Variants in LIMCH1 observed in about 807,000 individuals in gnomAD.
LIMCH1 encodes the protein LIM and calponin homology domains 1.
A neutral mutation model predicts 176.5 loss-of-function variants in LIMCH1; 113 were observed. The ratio of observed to expected loss-of-function variants is 0.64; its 90% confidence interval spans 0.55 to 0.75. The LOEUF (loss-of-function observed/expected upper bound fraction) is 0.75, where lower values mean the gene tolerates loss of function less well. Ranked by LOEUF, LIMCH1 falls within the 30% of genes least tolerant of loss-of-function variation. The probability of loss-of-function intolerance (pLI) is 0.00; values close to 1 mark genes in which losing one functional copy is unlikely to be tolerated. For synonymous variants in LIMCH1, 619 were observed against 645.9 expected, an observed-to-expected ratio of 0.96 and a Z score of 0.63; for missense variants, 1,674 against 1,814.9, an observed-to-expected ratio of 0.92 and a Z score of 1.41.
intron 1 of LIMCH1, among the ~76,000 whole-genome samples, chr4:41,438,319 T>G (rs919307391): frequency 2.0e-5 from 3 of 152,136 alleles, no homozygotes; most frequent in Non-Finnish European, 4.4e-5. Context: ...GAGCAAAGAC[T>G]CATACCTGGT....
intron 3 of LIMCH1, chr4:41,604,177 A>G (rs892646676): frequency 1.1e-5 from 11 of 982,980 alleles, no homozygotes; most frequent in African/African-American, 1.7e-5. Context: ...AGTTTCTTAA[A>G]CACAAAATGA....
chr4:41,506,697 A>T (rs974343682), intron 2 of LIMCH1, among the ~76,000 whole-genome samples: 1 of 152,336 alleles, frequency 6.6e-6, no homozygotes, highest in African/African-American at 2.4e-5. Flanking sequence ...TTGACTATTA[A>T]GAATAGGTTG....
At chr4:41,501,870 T>C (rs2073341240) in intron 2 of LIMCH1, among the ~76,000 whole-genome samples, 1 of 146,724 alleles carries the variant, frequency 6.8e-6, no homozygotes. Flanking sequence ...TTTTTTTTTT[T>C]TTTTTTTTTT....
At chr4:41,568,871 T>C (rs2083127733) in intron 1 of LIMCH1, among the ~76,000 whole-genome samples, 1 of 152,222 alleles carries the variant, frequency 6.6e-6, no homozygotes, top group African/African-American at 2.4e-5. Context: ...TCTTTGTGCA[T>C]TGGCAGTCTT....
intron 1 of LIMCH1, among the ~76,000 whole-genome samples, chr4:41,376,165 G>A (rs920433714): frequency 7.2e-5 from 11 of 152,080 alleles, no homozygotes; most frequent in African/African-American, 2.4e-4. Context: ...TTAATAGAAC[G>A]AAATGTACTT....
chr4:41,644,479 G>C, intron 14 of LIMCH1, 21 bp from the exon 15 acceptor site: 1 of 1,512,706 alleles, frequency 6.6e-7, no homozygotes. Context: ...TCCCTCTTGT[G>C]TTCGCTCTCT....
chr4:41,465,835 TGGA>T (rs1430270992), intron 1 of LIMCH1, among the ~76,000 whole-genome samples: 3 of 152,206 alleles, frequency 2.0e-5, no homozygotes, highest in Non-Finnish European at 4.4e-5. Flanking sequence ...AAAGTTCTAT[TGGA>T]GCAAAGCCAT....
intron 6 of LIMCH1, chr4:41,619,709 G>A: frequency 2.0e-6 from 1 of 494,152 alleles, no homozygotes; most frequent in Non-Finnish European, 3.6e-6. Context: ...TCTGTTGATA[G>A]GACATTGAGA....
chr4:41,556,976 CCTAT>C (rs1322871294), intron 1 of LIMCH1, among the ~76,000 whole-genome samples: 1 of 152,142 alleles, frequency 6.6e-6, no homozygotes, highest in Non-Finnish European at 1.5e-5. Context: ...CTTTATATAG[CCTAT>C]CTGCTATTAA....
chr4:41,446,147 C>A (rs1020364216), intron 1 of LIMCH1, among the ~76,000 whole-genome samples: 1 of 152,080 alleles, frequency 6.6e-6, no homozygotes, highest in Admixed American at 6.5e-5. Flanking sequence ...TTGTCAACTG[C>A]AGGTTCAATT....
At chr4:41,668,471 TAAGCCATTTTA>T (rs1219318336) in intron 21 of LIMCH1, among the ~76,000 whole-genome samples, 2 of 152,338 alleles carry the variant, frequency 1.3e-5, no homozygotes, top group South Asian at 2.1e-4. Context: ...ATAAATATTT[TAAGCCATTTTA>T]AAGCCATGTT....
rs184262982 is a variant in LIMCH1 at position 41,377,798 on chromosome 4, C to T, written c.96+16862C>T. On this transcript the variant is annotated intron_variant, in intron 1 of 26. Coordinates refer to the LIMCH1 transcript ENST00000313860. ...CATGGCAAGAAGGGCTCACTAGAGA[C>T]GGCCAAACTGGTTTTGGTAAGAGAC... 1.0e-3 allele frequency among the ~76,000 whole-genome samples: 156 copies of T among 152,302 alleles called. 1 individual carries two copies. The highest frequency in any genetic ancestry group is 2.6e-4 in the Non-Finnish European group (18 of 68,026).
At chr4:41,420,660 G>C (rs2060530383) in intron 1 of LIMCH1, among the ~76,000 whole-genome samples, 1 of 152,180 alleles carries the variant, frequency 6.6e-6, no homozygotes, top group African/African-American at 2.4e-5. Flanking sequence ...AGGGACCTCT[G>C]AAGGCAGGGC....
rs1413380692 is a variant in LIMCH1, at chr4:41,685,781, C to G, written c.4039C>G (p.Leu1347Val). ...SEDVKPKTLP[L>V]DKSINHQIES... ...AGATGTGAAGCCAAAAACCCTCCCGCTGGATAAAAGCATTAACCATCAGAT... is the reference window on the plus strand; with the variant it reads ...AGATGTGAAGCCAAAAACCCTCCCGGTGGATAAAAGCATTAACCATCAGAT... Residue 1347 changes from leucine (L) to valine (V), a missense_variant, in exon 28 of 32, where the codon CTG becomes GTG. Leu to Val is a conservative substitution (Grantham distance 32, BLOSUM62 1). This residue lies in a region of LIMCH1 where 1,015 missense variants were observed against 1,102.5 expected (regional missense o/e 0.92). Coordinates refer to ENST00000503057, the MANE Select transcript of LIMCH1 (RefSeq NM_001330672.2). 1 of 1,613,620 alleles carries G rather than the reference C, an allele frequency of 6.2e-7. No homozygotes were observed. Among genetic ancestry groups the G allele is most frequent in the Non-Finnish European group, 8.5e-7 (1 of 1,179,682 alleles).
At chr4:41,454,044 A>G (rs539885304) in intron 1 of LIMCH1, among the ~76,000 whole-genome samples, 22 of 152,190 alleles carry the variant, frequency 1.4e-4, no homozygotes, top group African/African-American at 5.1e-4. Context: ...GGAGAAGCCT[A>G]TCTGGTCCTC....
intron 2 of LIMCH1, among the ~76,000 whole-genome samples, chr4:41,507,534 A>C (rs924681740): frequency 2.0e-5 from 3 of 152,184 alleles, no homozygotes; most frequent in African/African-American, 7.2e-5. Flanking sequence ...TATCAGAGTA[A>C]AAAAATGCAC....
intron 19 of LIMCH1, chr4:41,661,818 G>A (rs2152980312): frequency 7.8e-6 from 3 of 382,906 alleles, no homozygotes; most frequent in Non-Finnish European, 1.4e-5. Flanking sequence ...AAAATTGAGG[G>A]TAGGATTTTG....
At chr4:41,666,799 A>G in intron 21 of LIMCH1, 133 bp downstream of exon 21, 1 of 633,578 alleles carries the variant, frequency 1.6e-6, no homozygotes, top group Non-Finnish European at 2.8e-6. Flanking sequence ...AGAGTCTGTG[A>G]TAGCTGAATT....
At chr4:41,610,912 G>GA (rs1363162078) in intron 4 of LIMCH1, among the ~76,000 whole-genome samples, 3 of 152,160 alleles carry the variant, frequency 2.0e-5, no homozygotes, top group African/African-American at 7.2e-5. Flanking sequence ...TCCCTAATCT[G>GA]AAAATCTGAA....
Sources: allele counts gnomAD v4.1 joint callset (sites outside exome capture counted in the v4.1 genomes callset), GRCh38; gene constraint gnomAD v4.1.1; regional missense constraint gnomAD v4.1.1; transcripts MANE v1.5; gene names NCBI Gene and HGNC (gene_info 2026-07-23, HGNC 2026-07-21).